Variants in FCMR observed in about 807,000 individuals in gnomAD.
FCMR encodes the protein immunoglobulin mu Fc receptor.
A neutral mutation model predicts 41.6 loss-of-function variants in FCMR; 34 were observed. That is an observed-to-expected ratio of 0.82 (90% CI 0.62 to 1.09). FCMR has a LOEUF of 1.09. FCMR is among the 50% of genes least tolerant of loss of function. FCMR has a pLI of 0.00. For synonymous variants in FCMR, 209 were observed against 211.8 expected (o/e 0.99, Z 0.12); for missense variants, 496 against 512.5 (o/e 0.97, Z 0.31).
Position 206,905,069 on chromosome 1 carries a change from C to A in FCMR, c.1123G>T (p.Ala375Ser). 1 of 1,614,018 alleles carries A rather than the reference C, an allele frequency of 6.2e-7. No individual in the cohort carries two copies. The highest frequency in any genetic ancestry group is 8.5e-7 in the Non-Finnish European group (1 of 1,179,956). The change falls in exon 8 of 8, where the codon GCC becomes TCC. Residue 375 changes from alanine to serine, a missense_variant. Transcript: ENST00000367091. ...EYVSLYHQPA[A>S]MMEDSDSDDY... ...TCTGAATCACTGTCCTCCATCATGG[C>A]GGCAGGCTGGTGGTAGAGGCTCACG...
intron 1 of FCMR, among the ~76,000 whole-genome samples, chr1:206,915,807 C>T (rs933894935): frequency 1.3e-5 from 2 of 152,086 alleles, no homozygotes; most frequent in South Asian, 2.1e-4. Flanking sequence ...CATTTGCAAA[C>T]GTACTGAGAT....
chr1:206,910,234 T>C lies in FCMR; in HGVS notation c.817A>G (p.Lys273Glu). 1.2e-6 allele frequency: 2 copies of C among 1,602,868 alleles called. No homozygotes were observed. Among genetic ancestry groups the C allele is most frequent in the Admixed American group, 1.7e-5 (1 of 58,516 alleles). ...CCTTTCCTCCTTTCAACGGCCCTTT[T>C]CACCACCAGCCCCAGAAGTGCCAGC... ...FLLALLGLVVKRAVERRKALS... is the reference protein window; with the variant it reads ...FLLALLGLVVERAVERRKALS... The change falls in exon 5 of 8, where the codon AAA (lysine) becomes GAA (glutamate). Residue 273 changes from lysine to glutamate, a missense_variant. Lys to Glu is a moderately conservative substitution (Grantham distance 56). Transcript: ENST00000367091.
At position 206,913,774 on chromosome 1, in the gene FCMR, G is replaced by A. The variant is rs571196023; in HGVS notation, c.358C>T (p.Leu120=). Reference sequence around the variant, plus strand: ...AGGAACCTACCACTGTGGACATTCAGGGTGACTTTCTGGGTCTTTCCCCGG... The same window carrying A: ...AGGAACCTACCACTGTGGACATTCAAGGTGACTTTCTGGGTCTTTCCCCGG... ...TDRGKTQKVT[L]NVHSEYEPSW... is the part of the protein sequence containing the mutation. Residue 120 remains leucine (L), a synonymous_variant, in exon 2 of 8, where the codon CTG becomes TTG. Coordinates refer to ENST00000367091, the MANE Select transcript of FCMR (RefSeq NM_005449.5). The A allele has an allele frequency of 6.2e-7, 1 of 1,614,032 alleles. No homozygotes were observed. Among genetic ancestry groups the A allele is most frequent in the African/African-American group, 1.3e-5 (1 of 75,036 alleles).
intron 1 of FCMR, among the ~76,000 whole-genome samples, chr1:206,915,952 G>A (rs562424239): frequency 3.3e-4 from 50 of 151,896 alleles, no homozygotes; most frequent in South Asian, 6.3e-4. Context: ...TTCTGACAAC[G>A]GTAGAGAGGT....
At chr1:206,914,989 G>A (rs990102011) in intron 1 of FCMR, among the ~76,000 whole-genome samples, 8 of 152,210 alleles carry the variant, frequency 5.3e-5, no homozygotes, top group South Asian at 2.1e-4. Flanking sequence ...GAGCCCCCAC[G>A]TGACCTCAGT....
At chr1:206,919,972 A>C (rs1679362882) in intron 1 of FCMR, among the ~76,000 whole-genome samples, 1 of 152,264 alleles carries the variant, frequency 6.6e-6, no homozygotes, top group Non-Finnish European at 1.5e-5. Flanking sequence ...TTCATACTCA[A>C]GACATCACAA....
intron 7 of FCMR, among the ~76,000 whole-genome samples, chr1:206,907,329 C>T (rs1391703038): frequency 6.6e-6 from 1 of 152,188 alleles, no homozygotes; most frequent in Non-Finnish European, 1.5e-5. Context: ...TTCTCTTCCT[C>T]CCTCCTGTAA....
intron 2 of FCMR, 49 bp downstream of exon 2, chr1:206,913,710 T>C: frequency 6.8e-7 from 1 of 1,481,098 alleles, no homozygotes; most frequent in Non-Finnish European, 9.4e-7. Flanking sequence ...TCTTCCCAAG[T>C]GAAACATTTT....
intron 1 of FCMR, among the ~76,000 whole-genome samples, chr1:206,919,732 G>T (rs1194351525): frequency 6.6e-6 from 1 of 152,124 alleles, no homozygotes; most frequent in African/African-American, 2.4e-5. Context: ...TAGAATGAGG[G>T]TACTTCTCAG....
intron 1 of FCMR, among the ~76,000 whole-genome samples, chr1:206,915,500 G>A (rs1679153461): frequency 6.6e-6 from 1 of 152,122 alleles, no homozygotes; most frequent in Admixed American, 6.5e-5. Flanking sequence ...TAAAAGATGT[G>A]GTTCATGAAT....
At chr1:206,915,060 G>A (rs1160693141) in intron 1 of FCMR, among the ~76,000 whole-genome samples, 1 of 152,180 alleles carries the variant, frequency 6.6e-6, no homozygotes, top group African/African-American at 2.4e-5. Context: ...GTTTGGTTTC[G>A]CTCAGGCGCA....
chr1:206,914,437 C>CTT (rs572538296), intron 1 of FCMR, among the ~76,000 whole-genome samples: 15 of 105,286 alleles, frequency 1.4e-4, no homozygotes, highest in African/African-American at 4.9e-4. Context: ...CCTTTCTTTT[C>CTT]TTTTTTTTTT....
chr1:206,920,569 T>G (rs373656523), intron 1 of FCMR, among the ~76,000 whole-genome samples: 2 of 152,008 alleles, frequency 1.3e-5, no homozygotes, highest in South Asian at 2.1e-4. Context: ...AGGAGTCCTG[T>G]TGGCCGAAGG....
In FCMR at chr1:206,904,623, G is replaced by A. The variant is rs1177540387; in HGVS notation, c.*396C>T. ...TTGTGTAAGACCCAACCCTGGGAAG[G>A]ATGCCCGAGACAATAGCTATGCCTC... On this transcript the variant is annotated 3_prime_UTR_variant, in exon 8 of 8. Transcript: ENST00000367091. 4.4e-6 allele frequency: 1 copy of A among 224,952 alleles called. No homozygotes were observed. The highest frequency in any genetic ancestry group is 9.0e-6 in the Non-Finnish European group (1 of 110,938). 13.9% of individuals were successfully genotyped at this position (224,952 alleles called of 1,614,324 possible).
At chr1:206,917,173 T>C (rs767752634) in intron 1 of FCMR, among the ~76,000 whole-genome samples, 8 of 152,074 alleles carry the variant, frequency 5.3e-5, no homozygotes, top group Non-Finnish European at 7.4e-5. Flanking sequence ...CAAAATAAGA[T>C]CAAGGTCCAT....
In FCMR at chr1:206,912,974, A is replaced by G; in HGVS notation, c.442T>C (p.Phe148Leu). Residue 148 changes from phenylalanine to leucine, a missense_variant, in exon 3 of 8, where the codon TTC becomes CTC. Phe to Leu is a conservative substitution (Grantham distance 22). Transcript: ENST00000367091. Reference protein sequence around the residue: ...TPKWFHLPYLFQMPAYASSSK... With the variant: ...TPKWFHLPYLLQMPAYASSSK... The stretch of plus-strand genomic sequence containing the variant: ...GAACTGGCATATGCAGGCATCTGGA[A>G]CAAATAGGGCAGATGAAACCATTTT... 1 of 1,613,930 alleles carries G rather than the reference A, an allele frequency of 6.2e-7. No homozygotes were observed. The highest frequency in any genetic ancestry group is 8.5e-7 in the Non-Finnish European group (1 of 1,179,764).
In FCMR at chr1:206,914,044, C is replaced by G. The variant is rs1199005341; in HGVS notation, c.88G>C (p.Gly30Arg). ...LPEVKVEGEL[G>R]GSVTIKCPLP... ...GGGCACTTGATGGTAACTGATCCGC[C>G]CAGCTCCCCCTCTACCTTTACTTCT... Residue 30 changes from glycine to arginine, a missense_variant, in exon 2 of 8, where the codon GGC becomes CGC. Transcript: ENST00000367091. The G allele has an allele frequency of 2.7e-5, 43 of 1,614,080 alleles. No individual in the cohort carries two copies. Among genetic ancestry groups the G allele is most frequent in the Non-Finnish European group, 3.6e-5 (43 of 1,180,040 alleles).
At chr1:206,919,047 A>G (rs1313465704) in intron 1 of FCMR, among the ~76,000 whole-genome samples, 1 of 152,138 alleles carries the variant, frequency 6.6e-6, no homozygotes. Flanking sequence ...CTCCGTGGCC[A>G]TGCAGGGAAA....
intron 3 of FCMR, among the ~76,000 whole-genome samples, chr1:206,912,522 A>G (rs1339359752): frequency 6.6e-6 from 1 of 152,240 alleles, no homozygotes; most frequent in African/African-American, 2.4e-5. Flanking sequence ...TGCAAAATAG[A>G]GTTAAAATCA....
Sources: gnomAD v4.1 joint callset for allele counts (sites outside exome capture counted in the v4.1 genomes callset) on GRCh38, gnomAD v4.1.1 for gene constraint, MANE v1.5 for transcripts, NCBI Gene and HGNC (gene_info 2026-07-23, HGNC 2026-07-21) for gene names.